SGCZ: variants seen among roughly 807,000 people sequenced by gnomAD.
The protein encoded by SGCZ is sarcoglycan zeta, also known as zeta-sarcoglycan.
Under a neutral mutation model 41.3 loss-of-function variants are expected in SGCZ, and 40 were observed. The observed-to-expected ratio is 0.97, with a 90% CI of 0.75 to 1.26. The LOEUF is 1.26. Ranked by LOEUF, SGCZ falls within the 50% of genes most tolerant of loss-of-function variation. The pLI is 0.00. For synonymous variants in SGCZ, 206 were observed against 137.5 expected (o/e 1.50, Z -3.49); for missense variants, 552 against 369.8 (o/e 1.49, Z -4.04).
chr8:14,919,622 T>G (rs1330098958), intron 1 of SGCZ, among the ~76,000 whole-genome samples: 1 of 151,842 alleles, frequency 6.6e-6, no homozygotes, highest in African/African-American at 2.4e-5. Context: ...AGTAGTACTA[T>G]CTATTAAAAA....
At chr8:15,004,444 TAA>T (rs1244986694) in intron 1 of SGCZ, among the ~76,000 whole-genome samples, 5 of 151,934 alleles carry the variant, frequency 3.3e-5, no homozygotes, top group African/African-American at 9.7e-5. Flanking sequence ...GGCAGACACT[TAA>T]GATAGAGGTG....
chr8:14,687,191 T>TA (rs1563202916), intron 1 of SGCZ, among the ~76,000 whole-genome samples: 5 of 147,040 alleles, frequency 3.4e-5, no homozygotes, highest in African/African-American at 7.4e-5. Context: ...TATATATATA[T>TA]TTTAATTTTA....
chr8:14,594,309 G>A (rs1805338788), intron 1 of SGCZ, among the ~76,000 whole-genome samples: 1 of 151,850 alleles, frequency 6.6e-6, no homozygotes, highest in Non-Finnish European at 1.5e-5. Flanking sequence ...ATCAAGTTTG[G>A]GGATGATGTT....
chr8:14,876,873 C>A (rs957066258), intron 1 of SGCZ, among the ~76,000 whole-genome samples: 1 of 152,132 alleles, frequency 6.6e-6, no homozygotes, highest in African/African-American at 2.4e-5. Flanking sequence ...TTAGAGGTCC[C>A]CCCGCCCTGC....
chr8:14,568,410 T>C (rs1312304196), intron 1 of SGCZ, among the ~76,000 whole-genome samples: 1 of 136,988 alleles, frequency 7.3e-6, no homozygotes, highest in African/African-American at 2.8e-5. Flanking sequence ...AAAGAAAGAA[T>C]TGATCGTTTT....
intron 1 of SGCZ, among the ~76,000 whole-genome samples, chr8:15,145,372 T>C (rs1266578651): frequency 1.3e-5 from 2 of 152,174 alleles, no homozygotes; most frequent in African/African-American, 4.8e-5. Flanking sequence ...TCCATTTTGG[T>C]AGAGTGAGGA....
chr8:14,798,735 A>G (rs1329212863), intron 1 of SGCZ, among the ~76,000 whole-genome samples: 3 of 146,994 alleles, frequency 2.0e-5, no homozygotes, highest in Non-Finnish European at 3.0e-5. Context: ...TTTCATTTTT[A>G]TATTAGATTA....
chr8:14,503,246 T>G (rs1802205678), intron 2 of SGCZ, among the ~76,000 whole-genome samples: 1 of 151,560 alleles, frequency 6.6e-6, no homozygotes, highest in African/African-American at 2.4e-5. Context: ...AGCTGAACAA[T>G]GAGAACATAT....
chr8:14,198,820 T>C (rs1464730716), intron 4 of SGCZ, among the ~76,000 whole-genome samples: 1 of 152,198 alleles, frequency 6.6e-6, no homozygotes, highest in Middle Eastern at 3.2e-3. Flanking sequence ...TTTACTGCAA[T>C]CTCTGAACAT....
chr8:14,272,491 A>C (rs1297344089), intron 3 of SGCZ, among the ~76,000 whole-genome samples: 1 of 152,180 alleles, frequency 6.6e-6, no homozygotes, highest in African/African-American at 2.4e-5. Flanking sequence ...TTGTGGGGTG[A>C]ATGACTTAAT....
At chr8:15,108,375 C>T (rs1237233028) in intron 1 of SGCZ, among the ~76,000 whole-genome samples, 3 of 152,114 alleles carry the variant, frequency 2.0e-5, no homozygotes, top group Non-Finnish European at 2.9e-5. Flanking sequence ...CGCTGAATGT[C>T]CTGAGGGCTA....
intron 1 of SGCZ, among the ~76,000 whole-genome samples, chr8:14,631,584 A>G (rs1422273823): frequency 6.6e-6 from 1 of 152,140 alleles, no homozygotes; most frequent in Non-Finnish European, 1.5e-5. Flanking sequence ...GATTGAGGAA[A>G]GCAGAAAGAC....
chr8:14,198,915 T>C (rs1242098544), intron 4 of SGCZ, among the ~76,000 whole-genome samples: 1 of 152,202 alleles, frequency 6.6e-6, no homozygotes, highest in Non-Finnish European at 1.5e-5. Flanking sequence ...TTTAATCTCT[T>C]AATCCTGTCA....
At chr8:14,095,537 G>A (rs1203268990) in intron 7 of SGCZ, among the ~76,000 whole-genome samples, 1 of 152,180 alleles carries the variant, frequency 6.6e-6, no homozygotes, top group African/African-American at 2.4e-5. Flanking sequence ...CATGTAGCAT[G>A]ATGCCTGCAG....
rs73525368 is a variant in SGCZ at position 14,476,395 on chromosome 8, A to C, written c.234+78337T>G. 4.0e-3 allele frequency among the ~76,000 whole-genome samples: 612 copies of C among 152,152 alleles called. 2 individuals are homozygous for C. The highest frequency in any genetic ancestry group is 0.014 in the African/African-American group (586 of 41,514). ...TGATTCCCATCATAAATCTTTCCTT[A>C]TATATTTCTATATGTCTTGCTGAGT... On this transcript the variant is annotated intron_variant, in intron 2 of 7. Transcript: ENST00000382080.
At chr8:14,300,946 A>C (rs1801164193) in intron 3 of SGCZ, among the ~76,000 whole-genome samples, 1 of 151,988 alleles carries the variant, frequency 6.6e-6, no homozygotes, top group African/African-American at 2.4e-5. Flanking sequence ...AAGGAGGTAG[A>C]GTGAAGATGC....
intron 1 of SGCZ, among the ~76,000 whole-genome samples, chr8:14,705,650 C>G (rs1479461065): frequency 1.3e-5 from 2 of 151,958 alleles, no homozygotes; most frequent in Non-Finnish European, 2.9e-5. Context: ...CCCTAATTGC[C>G]TAAGTGTGTA....
At chr8:14,456,660 T>C (rs1032160727) in intron 2 of SGCZ, among the ~76,000 whole-genome samples, 1 of 152,006 alleles carries the variant, frequency 6.6e-6, no homozygotes, top group South Asian at 2.1e-4. Context: ...TATAGGACAG[T>C]TGGAATGAAA....
chr8:15,138,163 C>G (rs974853302), intron 1 of SGCZ, among the ~76,000 whole-genome samples: 1 of 152,174 alleles, frequency 6.6e-6, no homozygotes, highest in Non-Finnish European at 1.5e-5. Context: ...TGGACTTGCA[C>G]GCAGCCTGTA....
Sources: gnomAD v4.1 joint callset for allele counts (sites outside exome capture counted in the v4.1 genomes callset) on GRCh38, gnomAD v4.1.1 for gene constraint, MANE v1.5 for transcripts, NCBI Gene and HGNC (gene_info 2026-07-23, HGNC 2026-07-21) for gene names.